Variants in FASN observed in about 807,000 individuals in gnomAD.
FASN encodes fatty acid synthase, also known as 3-hydroxyacyl-[acyl-carrier-protein] dehydratase.
FASN carries 50 observed loss-of-function variants against 250.0 expected under a neutral mutation model. The observed-to-expected ratio is 0.20, with a 90% CI of 0.16 to 0.25. The LOEUF (loss-of-function observed/expected upper bound fraction) is 0.25. FASN is among the 10% of genes least tolerant of loss of function. The pLI, the probability that FASN is intolerant of heterozygous loss-of-function variation, is 1.00. For synonymous variants in FASN, 1,909 were observed against 1,584.0 expected (o/e 1.21, Z -4.87); for missense variants, 3,031 against 3,498.5 (o/e 0.87, Z 3.37).
At chr17:82,086,009 G>T in intron 22 of FASN, 138 bp from the exon 23 acceptor site, 1 of 1,227,824 alleles carries the variant, frequency 8.1e-7, no homozygotes, top group Non-Finnish European at 1.1e-6. Flanking sequence ...CCATGGGCAC[G>T]CATGGATGCC....
In FASN at chr17:82,088,180, G is replaced by A. The variant is rs140477777; in HGVS notation, c.2721C>T (p.Val907=). The A allele has an allele frequency of 1.3e-4, 203 of 1,612,618 alleles. No homozygotes were observed. The African/African-American group carries it at 2.0e-3, about 16-fold the overall frequency. Residue 907 remains valine (V), a synonymous_variant, in exon 17 of 43, where the codon GTC becomes GTT. Transcript: ENST00000306749. ...CCTCAAACACCACAGGCAGCTGCTCGACGCCCAGGCCCAGGGCGCGGGCCA... is the reference window on the plus strand; with the variant it reads ...CCTCAAACACCACAGGCAGCTGCTCAACGCCCAGGCCCAGGGCGCGGGCCA... The part of the protein sequence containing the change: ...KTLARALGLG[V]EQLPVVFEDV...
chr17:82,082,646 G>T lies in FASN; in HGVS notation c.5800C>A (p.Arg1934Ser). The T allele has an allele frequency of 6.2e-7, 1 of 1,610,248 alleles. No homozygotes were observed. Reference protein sequence around the residue: ...YQAKQVRRWRRQGVQVQVSTS... With the variant: ...YQAKQVRRWRSQGVQVQVSTS... ...GACACCTGCACCTGTACGCCCTGGCGCCTCCACCGGCGGACCTGCTTGGCC... is the reference window on the plus strand; with the variant it reads ...GACACCTGCACCTGTACGCCCTGGCTCCTCCACCGGCGGACCTGCTTGGCC... The change falls in exon 34 of 43, where the codon CGC becomes AGC. Residue 1934 changes from arginine to serine, a missense_variant. By Grantham distance (110) the Arg-to-Ser change is moderately radical. Transcript: ENST00000306749.
Position 82,092,942 on chromosome 17 carries a change from T to C in FASN, c.733A>G (p.Thr245Ala). 6.2e-7 allele frequency: 1 copy of C among 1,609,638 alleles called. No homozygotes were observed. The highest frequency in any genetic ancestry group is 8.5e-7 in the Non-Finnish European group (1 of 1,178,790). Residue 245 changes from threonine to alanine, a missense_variant, in exon 6 of 43, where the codon ACC becomes GCC. Coordinates refer to ENST00000306749, the MANE Select transcript of FASN (RefSeq NM_004104.5). ...GTATTGGTGCCGGCGTTCAGGATGGTGGCGTACACCCGCCGGGCCAGGGAC... is the reference window on the plus strand; with the variant it reads ...GTATTGGTGCCGGCGTTCAGGATGGCGGCGTACACCCGCCGGGCCAGGGAC... ...KKSLARRVYA[T>A]ILNAGTNTDG...
chr17:82,088,583 G>T, intron 15 of FASN, 21 bp from the exon 16 acceptor site: 1 of 1,600,884 alleles, frequency 6.2e-7, no homozygotes, highest in Non-Finnish European at 8.5e-7. Context: ...GGGAGGCATG[G>T]GTAGCACACC....
At chr17:82,088,663 C>T in intron 15 of FASN, 98 bp downstream of exon 15, 1 of 1,516,880 alleles carries the variant, frequency 6.6e-7, no homozygotes, top group Non-Finnish European at 9.1e-7. Flanking sequence ...AGGGCTGCTG[C>T]CACCGGCCTG....
rs1448700720 is a variant in FASN, at chr17:82,083,568, C to T, written c.5290G>A (p.Gly1764Ser). 13 of 1,612,750 alleles carry T rather than the reference C, an allele frequency of 8.1e-6. No homozygotes were observed. Among genetic ancestry groups the T allele is most frequent in the Non-Finnish European group, 8.5e-6 (10 of 1,179,972 alleles). ...AATTTGCCAATTTCCAGGAAGCGACCGTGCGTAGCCAAGCACCTCACGCTG... is the reference window on the plus strand; with the variant it reads ...AATTTGCCAATTTCCAGGAAGCGACTGTGCGTAGCCAAGCACCTCACGCTG... ...QASVRCLATHGRFLEIGKFDL... is the reference protein window; with the variant it reads ...QASVRCLATHSRFLEIGKFDL... Residue 1764 changes from glycine (G) to serine (S), a missense_variant, in exon 31 of 43, where the codon GGT (glycine) becomes AGT (serine). By Grantham distance (56) the Gly-to-Ser change is moderately conservative. Transcript: ENST00000306749.
chr17:82,081,106 A>C, intron 38 of FASN, 58 bp downstream of exon 38: 2 of 1,528,226 alleles, frequency 1.3e-6, no homozygotes, highest in South Asian at 2.4e-5. Context: ...CCAGACAACA[A>C]GGAGGAAGGG....
chr17:82,090,936 G>A lies in FASN; in HGVS notation c.1626C>T (p.Asp542=), dbSNP rs142807582. ...LKVSQLLLST[D]ESTFDDIVHS... Reference sequence around the variant, plus strand: ...GGACGATGTCATCAAAGGTGCTCTCGTCTGTGCTCAGCAGCAGCTGTGACA... The same window carrying A: ...GGACGATGTCATCAAAGGTGCTCTCATCTGTGCTCAGCAGCAGCTGTGACA... Residue 542 remains aspartate, a synonymous_variant, in exon 10 of 43, where the codon GAC becomes GAT. Coordinates refer to ENST00000306749, the MANE Select transcript of FASN (RefSeq NM_004104.5). 120 of 1,612,174 alleles carry A rather than the reference G, an allele frequency of 7.4e-5. No homozygotes were observed. The highest frequency in any genetic ancestry group is 9.3e-5 in the African/African-American group (7 of 74,902).
In FASN at chr17:82,080,535, C is replaced by A; in HGVS notation, c.6882G>T (p.Arg2294Ser). ...SLAAYYIDCI[R>S]QVQPEGPYRV... The stretch of plus-strand genomic sequence containing the variant: ...GGTAGGGGCCCTCGGGCTGCACCTG[C>A]CTGATGCAGTCGATGTAGTAGGCAG... The change falls in exon 40 of 43, where the codon AGG becomes AGT. Residue 2294 changes from arginine (R) to serine (S), a missense_variant. Arg to Ser is a moderately radical substitution (Grantham distance 110). Transcript: ENST00000306749. 1 of 1,561,640 alleles carries A rather than the reference C, an allele frequency of 6.4e-7. No individual in the cohort carries two copies. Among genetic ancestry groups the A allele is most frequent in the Non-Finnish European group, 8.7e-7 (1 of 1,154,060 alleles).
intron 15 of FASN, 93 bp downstream of exon 15, chr17:82,088,668 G>T: frequency 6.6e-7 from 1 of 1,514,886 alleles, no homozygotes; most frequent in Non-Finnish European, 9.1e-7. Flanking sequence ...TGCTGCCACC[G>T]GCCTGGGTCA....
At chr17:82,089,778 G>A in intron 11 of FASN, 52 bp from the exon 12 acceptor site, 1 of 1,472,152 alleles carries the variant, frequency 6.8e-7, no homozygotes, top group Non-Finnish European at 9.3e-7. Context: ...GCCGCTCCCA[G>A]CCACCCACCC....
chr17:82,096,484 A>C (rs1299096870), intron 1 of FASN, 32 bp from the exon 2 acceptor site: 21 of 1,606,650 alleles, frequency 1.3e-5, no homozygotes, highest in Non-Finnish European at 1.6e-5. Flanking sequence ...TGCCCCACAC[A>C]TCCCGGCCAC....
In FASN at chr17:82,090,878, C is replaced by G. The variant is rs760777708; in HGVS notation, c.1680+4G>C. 28 of 1,578,664 alleles carry G rather than the reference C, an allele frequency of 1.8e-5. No individual in the cohort carries two copies. Among genetic ancestry groups the G allele is most frequent in the Middle Eastern group, 3.3e-4 (2 of 6,018 alleles). ...TGCTCACACGCTGGCAGGCTGGGCC[C>G]TACCTGGATGGCAGTCAGGCTCACA... On this transcript the variant is annotated splice_donor_region_variant and intron_variant, in intron 10 of 42. Transcript: ENST00000306749.
Position 82,092,506 on chromosome 17 carries a change from C to T in FASN, c.978G>A (p.Lys326=). 1.9e-6 allele frequency: 3 copies of T among 1,601,186 alleles called. No homozygotes were observed. The highest frequency in any genetic ancestry group is 2.6e-6 in the Non-Finnish European group (3 of 1,176,278). ...RQEPLLIGST[K]SNMGHPEPAS... ...CTGGCTCCGGGTGCCCCATGTTGGA[C>T]TTGGTGGAGCCGATGAGCAGCGGCT... Residue 326 remains lysine, a synonymous_variant, in exon 8 of 43, where the codon AAG becomes AAA. Transcript: ENST00000306749.
rs578225084 is a variant in FASN, at chr17:82,084,661, G to T, written c.4620C>A (p.Asp1540Glu). The change falls in exon 27 of 43, where the codon GAC becomes GAA. Residue 1540 changes from aspartate (D) to glutamate (E), a missense_variant. Coordinates refer to ENST00000306749, the MANE Select transcript of FASN (RefSeq NM_004104.5). Reference protein sequence around the residue: ...HAFVSTLTRGDLSSIRWVCSS... With the variant: ...HAFVSTLTRGELSSIRWVCSS... ...AGCAGACCCAGCGGATGGAGGACAG[G>T]TCCCCCCGGGTGAGGGTGCTCACAA... is the stretch of plus-strand genomic sequence containing the variant. 6.3e-7 allele frequency: 1 copy of T among 1,589,506 alleles called. No homozygotes were observed. The highest frequency in any genetic ancestry group is 8.6e-7 in the Non-Finnish European group (1 of 1,168,894).
Position 82,081,996 on chromosome 17 carries a change from G to C in FASN, c.6163+13C>G. The C allele has an allele frequency of 6.2e-7, 1 of 1,604,366 alleles. No homozygotes were observed. The highest frequency in any genetic ancestry group is 8.5e-7 in the Non-Finnish European group (1 of 1,179,390). ...CAGGGTGGGCAGGGTCGAGGGGAGA[G>C]GGTGGGGCCCACCTGGGAGGCCTTC... On this transcript the variant is annotated intron_variant, in intron 36 of 42. Coordinates refer to ENST00000306749, the MANE Select transcript of FASN (RefSeq NM_004104.5).
chr17:82,095,823 G>A (rs1320046634), intron 2 of FASN, among the ~76,000 whole-genome samples: 2 of 152,236 alleles, frequency 1.3e-5, no homozygotes, highest in Non-Finnish European at 2.9e-5. Flanking sequence ...GCTGCTCTGT[G>A]GAAGAGCCTA....
chr17:82,081,951 G>A (rs2033996525), intron 36 of FASN, 58 bp downstream of exon 36: 2 of 1,119,554 alleles, frequency 1.8e-6, no homozygotes, highest in East Asian at 5.8e-5. Context: ...TGGGGGTGGG[G>A]AGTGGCCACT....
intron 13 of FASN, 25 bp downstream of exon 13, chr17:82,089,225 C>T: frequency 6.2e-7 from 1 of 1,611,328 alleles, no homozygotes; most frequent in Non-Finnish European, 8.5e-7. Context: ...GCCCGCCCCG[C>T]ACCCCCCAGG....
Sources: gnomAD v4.1 joint callset for allele counts (sites outside exome capture counted in the v4.1 genomes callset) on GRCh38, gnomAD v4.1.1 for gene constraint, MANE v1.5 for transcripts, NCBI Gene and HGNC (gene_info 2026-07-23, HGNC 2026-07-21) for gene names.